Variants in CNOT6 observed in about 807,000 individuals in gnomAD.
CNOT6 encodes the protein CCR4-NOT transcription complex subunit 6.
CNOT6 carries 12 observed loss-of-function variants against 61.2 expected under a neutral mutation model. The ratio of observed to expected loss-of-function variants is 0.20; its 90% confidence interval spans 0.13 to 0.32. The LOEUF (loss-of-function observed/expected upper bound fraction) is 0.32, where lower values mean the gene tolerates loss of function less well. CNOT6 is among the 10% of genes least tolerant of loss of function. The probability of loss-of-function intolerance (pLI) is 1.00; values close to 1 mark genes in which losing one functional copy is unlikely to be tolerated. For synonymous variants in CNOT6, 225 were observed against 240.6 expected (o/e 0.94, Z 0.60); for missense variants, 405 against 663.9 (o/e 0.61, Z 4.28).
intron 7 of CNOT6, among the ~76,000 whole-genome samples, chr5:180,566,407 T>G (rs563048392): frequency 2.4e-4 from 37 of 152,324 alleles, no homozygotes; most frequent in African/African-American, 8.9e-4. Flanking sequence ...CATATGATCT[T>G]GAACATGTTA....
chr5:180,533,311 CCT>C lies in CNOT6; in HGVS notation c.112+3924_112+3925del, dbSNP rs1491150293. ...AGGAACCAGGAACCATGGATGAAAA[CCT>C]ATATATATATATATATATATATATA... On this transcript the variant is annotated intron_variant, in intron 2 of 11. Coordinates refer to ENST00000261951, the MANE Select transcript of CNOT6 (RefSeq NM_001370472.1). Among the ~76,000 whole-genome samples, 513 of 65,162 alleles carry C rather than the reference CCT, an allele frequency of 7.9e-3. 11 individuals are homozygous for C. The highest frequency in any genetic ancestry group is 0.023 in the East Asian group (57 of 2,514). 42.7% of individuals were successfully genotyped at this position (65,162 alleles called of 152,430 possible). A position where few individuals can be genotyped will look rare whatever the true frequency, so the allele number is the denominator to read the frequency against.
chr5:180,533,717 G>T (rs1233870656), intron 2 of CNOT6, among the ~76,000 whole-genome samples: 1 of 152,154 alleles, frequency 6.6e-6, no homozygotes, highest in East Asian at 1.9e-4. Context: ...ACTTAGCCCA[G>T]ATTGGCTTCT....
intron 1 of CNOT6, among the ~76,000 whole-genome samples, chr5:180,496,059 G>A (rs927559896): frequency 1.3e-5 from 2 of 152,086 alleles, no homozygotes; most frequent in African/African-American, 2.4e-5. Context: ...ACTACCGGCA[G>A]ACACCACCAC....
At chr5:180,519,968 G>A (rs1306542795) in intron 1 of CNOT6, among the ~76,000 whole-genome samples, 1 of 151,866 alleles carries the variant, frequency 6.6e-6, no homozygotes, top group Non-Finnish European at 1.5e-5. Flanking sequence ...TGAGTAGCTG[G>A]AATTATAGGC....
At chr5:180,550,773 T>C (rs1234769375) in intron 3 of CNOT6, among the ~76,000 whole-genome samples, 1 of 152,286 alleles carries the variant, frequency 6.6e-6, no homozygotes, top group Middle Eastern at 3.4e-3. Context: ...CAGGAAACCA[T>C]TGCCAGTTGG....
intron 4 of CNOT6, among the ~76,000 whole-genome samples, chr5:180,559,339 C>G (rs1760055376): frequency 6.6e-6 from 1 of 152,100 alleles, no homozygotes; most frequent in Admixed American, 6.6e-5. Flanking sequence ...AGGGATTGAG[C>G]CTTTATTATT....
intron 1 of CNOT6, among the ~76,000 whole-genome samples, chr5:180,512,419 T>C (rs1163473189): frequency 2.0e-5 from 3 of 152,210 alleles, no homozygotes; most frequent in Admixed American, 6.5e-5. Context: ...GAAGGAAATA[T>C]TGGGACAGAA....
intron 4 of CNOT6, among the ~76,000 whole-genome samples, chr5:180,556,602 T>C (rs6859296): frequency 0.44 from 66,796 of 152,014 alleles, 15,688 homozygotes; most frequent in Non-Finnish European, 0.54. Context: ...TACACTCTTA[T>C]AGCCACACCT....
rs1561656720 is a variant in CNOT6 at position 180,552,599 on chromosome 5, TCG to T, written c.300-785_300-784del. The stretch of plus-strand genomic sequence containing the variant: ...AGGCGGAGCTTGCAGTGAGCCGAGA[TCG>T]CATCACTGCACTCCAGCCTGGGCAA... On this transcript the variant is annotated intron_variant, in intron 3 of 11. Transcript: ENST00000261951. 9.3e-5 allele frequency among the ~76,000 whole-genome samples: 14 copies of T among 150,154 alleles called. 1 individual carries two copies. Among genetic ancestry groups the T allele is most frequent in the African/African-American group, 3.4e-4 (14 of 40,664 alleles).
chr5:180,524,218 A>C (rs968901456), intron 1 of CNOT6, among the ~76,000 whole-genome samples: 1 of 152,180 alleles, frequency 6.6e-6, no homozygotes, highest in Non-Finnish European at 1.5e-5. Flanking sequence ...GTTTTTTGGA[A>C]TACTTTTATT....
In CNOT6 at chr5:180,494,950, C is replaced by T. The variant is rs59176403; in HGVS notation, c.-3+187C>T. 2.3e-3 allele frequency among the ~76,000 whole-genome samples: 352 copies of T among 151,634 alleles called. 2 individuals carry two copies. The highest frequency in any genetic ancestry group is 7.5e-3 in the African/African-American group (312 of 41,414). On this transcript the variant is annotated intron_variant, in intron 1 of 11. Transcript: ENST00000261951. ...CGCCGCGATCGCGCCCCGCCCCGGG[C>T]CGCGCCCCCGGGCCGAGTCCCTGGG...
chr5:180,511,695 G>A (rs977169515), intron 1 of CNOT6, among the ~76,000 whole-genome samples: 1 of 152,088 alleles, frequency 6.6e-6, no homozygotes, highest in Non-Finnish European at 1.5e-5. Context: ...AGCCTGGGGA[G>A]GTTGAGGCTG....
At chr5:180,496,906 G>A (rs2127685721) in intron 1 of CNOT6, among the ~76,000 whole-genome samples, 1 of 152,310 alleles carries the variant, frequency 6.6e-6, no homozygotes, top group Non-Finnish European at 1.5e-5. Flanking sequence ...TGTTGGCAAA[G>A]TAAAACTACA....
chr5:180,560,802 G>A (rs1445113170), intron 4 of CNOT6, among the ~76,000 whole-genome samples: 1 of 152,168 alleles, frequency 6.6e-6, no homozygotes, highest in African/African-American at 2.4e-5. Flanking sequence ...TTATTGCTTT[G>A]AGTACTTTTT....
intron 1 of CNOT6, among the ~76,000 whole-genome samples, chr5:180,520,700 G>C (rs1019557926): frequency 6.6e-6 from 1 of 151,942 alleles, no homozygotes; most frequent in Non-Finnish European, 1.5e-5. Context: ...ACATTTAATA[G>C]GATTACAACA....
intron 2 of CNOT6, among the ~76,000 whole-genome samples, chr5:180,535,420 G>GT (rs1350922875): frequency 1.8e-4 from 27 of 152,284 alleles, no homozygotes; most frequent in Middle Eastern, 3.4e-3. Context: ...GTATTTGACT[G>GT]TTTCTGAGTT....
intron 1 of CNOT6, among the ~76,000 whole-genome samples, chr5:180,513,380 T>C (rs949863941): frequency 6.6e-6 from 1 of 151,852 alleles, no homozygotes; most frequent in African/African-American, 2.4e-5. Context: ...TATTTTTTAT[T>C]ATTATTTTGA....
intron 1 of CNOT6, among the ~76,000 whole-genome samples, chr5:180,522,728 G>T (rs1310894861): frequency 6.6e-6 from 1 of 151,994 alleles, no homozygotes; most frequent in Non-Finnish European, 1.5e-5. Flanking sequence ...TGCTCACTGT[G>T]GCCTGGACCT....
chr5:180,510,134 C>CTTTTTTTTTTTTTT (rs56899929), intron 1 of CNOT6, among the ~76,000 whole-genome samples: 11 of 37,382 alleles, frequency 2.9e-4, no homozygotes, highest in East Asian at 1.1e-3. Context: ...GTCTGTAAAC[C>CTTTTTTTTTTTTTT]TTTTTTTTTT....
Sources: gnomAD v4.1 joint callset for allele counts (sites outside exome capture counted in the v4.1 genomes callset) on GRCh38, gnomAD v4.1.1 for gene constraint, MANE v1.5 for transcripts, NCBI Gene and HGNC (gene_info 2026-07-23, HGNC 2026-07-21) for gene names.